Variants in MKNK1 observed in about 807,000 individuals in gnomAD.
MKNK1 encodes MAP kinase-interacting serine/threonine-protein kinase 1.
MKNK1 carries 30 observed loss-of-function variants against 49.3 expected under a neutral mutation model. The ratio of observed to expected loss-of-function variants is 0.61; its 90% CI spans 0.46 to 0.83. The LOEUF is 0.83. Among genes scored for constraint, MKNK1 ranks in the 40% least tolerant of loss-of-function variants. The pLI, the probability that MKNK1 is intolerant of heterozygous loss-of-function variation, is 0.00. For synonymous variants in MKNK1, 176 were observed against 201.7 expected (o/e 0.87, Z 1.08); for missense variants, 423 against 524.7 (o/e 0.81, Z 1.89).
chr1:46,563,089 C>T (rs749224292), intron 9 of MKNK1: 2 of 447,570 alleles, frequency 4.5e-6, no homozygotes, highest in Non-Finnish European at 7.8e-6. Flanking sequence ...GTTCCTCCTC[C>T]AGTAGGCAAA....
At chr1:46,585,206 C>T (rs985314892) in intron 2 of MKNK1, among the ~76,000 whole-genome samples, 24 of 111,964 alleles carry the variant, frequency 2.1e-4, no homozygotes, top group African/African-American at 8.5e-4. Flanking sequence ...GCCGAGATCA[C>T]GCCATTGCAC....
rs1667315483 is a variant in MKNK1, at chr1:46,558,219, C to T, written c.*356G>A. ...GTCAACTGATGCTTCTTGCTTCTCC[C>T]TGCAGGCTGCAGCCCCAGCCGCCAC... On this transcript the variant is annotated 3_prime_UTR_variant, in exon 13 of 13. Coordinates refer to ENST00000371945, the MANE Select transcript of MKNK1 (RefSeq NM_001135553.4). The T allele has an allele frequency of 2.2e-5, 5 of 227,836 alleles. No homozygotes were observed. In the South Asian group the frequency reaches 6.2e-4, roughly 28 times the overall value. The allele number at this position is 227,836 out of a possible 1,614,324, so 14.1% of individuals were successfully genotyped here. A position where few individuals can be genotyped will look rare whatever the true frequency, so the allele number is the denominator to read the frequency against.
At chr1:46,572,990 G>A (rs897792267) in intron 6 of MKNK1, among the ~76,000 whole-genome samples, 3 of 152,138 alleles carry the variant, frequency 2.0e-5, no homozygotes, top group African/African-American at 7.2e-5. Context: ...TGTTGGCAAT[G>A]GCTAACATTT....
chr1:46,565,013 C>T (rs751115008), intron 9 of MKNK1, 28 bp downstream of exon 9: 1 of 1,599,982 alleles, frequency 6.3e-7, no homozygotes, highest in Non-Finnish European at 8.6e-7. Flanking sequence ...ACTCCAAATA[C>T]TTAGGAGCCC....
At chr1:46,580,743 T>C (rs1671609168) in intron 3 of MKNK1, 116 bp from the exon 4 acceptor site, 1 of 663,710 alleles carries the variant, frequency 1.5e-6, no homozygotes, top group Non-Finnish European at 2.7e-6. Flanking sequence ...ACCCAATGAC[T>C]CTAGCACTCA....
intron 7 of MKNK1, among the ~76,000 whole-genome samples, chr1:46,570,727 TTAA>T (rs1669973536): frequency 6.6e-6 from 1 of 152,206 alleles, no homozygotes; most frequent in Non-Finnish European, 1.5e-5. Context: ...TTTAAGGGAA[TTAA>T]TATTAGGAAT....
intron 3 of MKNK1, chr1:46,582,784 T>C (rs1408525068): frequency 2.3e-6 from 1 of 443,052 alleles, no homozygotes; most frequent in African/African-American, 2.0e-5. Context: ...CATAAGTAGC[T>C]ACAATCTGAG....
At chr1:46,603,622 T>A (rs555880393) in intron 1 of MKNK1, among the ~76,000 whole-genome samples, 3 of 152,274 alleles carry the variant, frequency 2.0e-5, no homozygotes, top group South Asian at 4.1e-4. Context: ...CAGGACTCCC[T>A]GACCCTGAAG....
intron 11 of MKNK1, 99 bp from the exon 12 acceptor site, chr1:46,560,376 G>A: frequency 2.3e-6 from 3 of 1,292,744 alleles, no homozygotes; most frequent in Non-Finnish European, 2.2e-6. Flanking sequence ...ATAGGCTGCT[G>A]GCGCAGCACA....
chr1:46,592,179 GC>G (rs1274656399), intron 2 of MKNK1, among the ~76,000 whole-genome samples: 1 of 152,228 alleles, frequency 6.6e-6, no homozygotes, highest in African/African-American at 2.4e-5. Context: ...GGCGGAGGTT[GC>G]AGTGAGCCGA....
chr1:46,587,639 G>A (rs750999555), intron 2 of MKNK1, among the ~76,000 whole-genome samples: 2 of 152,110 alleles, frequency 1.3e-5, no homozygotes, highest in Non-Finnish European at 2.9e-5. Context: ...CCAACATGGA[G>A]AAACCTCGTC....
intron 6 of MKNK1, 55 bp from the exon 7 acceptor site, chr1:46,572,222 G>A (rs996365343): frequency 6.1e-5 from 79 of 1,297,218 alleles, no homozygotes; most frequent in Non-Finnish European, 8.2e-5. Flanking sequence ...GTAAGTATAA[G>A]TTTTTTTTTT....
chr1:46,585,745 G>A (rs981486515), intron 2 of MKNK1: 27 of 540,100 alleles, frequency 5.0e-5, no homozygotes, highest in East Asian at 4.9e-4. Context: ...CCCTGTTAGC[G>A]ACAATTTATA....
chr1:46,601,073 T>C (rs11211320), intron 1 of MKNK1, among the ~76,000 whole-genome samples: 73,312 of 152,022 alleles, frequency 0.48, 18,689 homozygotes, highest in East Asian at 0.91. Flanking sequence ...CCCACCACCA[T>C]GCACAGCTAA....
rs1195823698 is a variant in MKNK1 at position 46,568,907 on chromosome 1, TTTC to T, written c.458-412_458-410del. 3 of 162,194 alleles carry T rather than the reference TTTC, an allele frequency of 1.8e-5. No homozygotes were observed. In the East Asian group the frequency reaches 5.5e-4, roughly 30 times the overall value. 10.0% of individuals were successfully genotyped at this position (162,194 alleles called of 1,614,324 possible). ...CAGGGGGCTTAACTGCTCTACCTCA[TTTC>T]TTCTTGTGTGGCCGATTTAAAAAAA... On this transcript the variant is annotated intron_variant, in intron 7 of 12. Transcript: ENST00000371945.
In MKNK1 at chr1:46,558,555, T is replaced by C. The variant is rs528765900; in HGVS notation, c.*20A>G. 10 of 1,583,680 alleles carry C rather than the reference T, an allele frequency of 6.3e-6. No homozygotes were observed. The highest frequency in any genetic ancestry group is 2.7e-5 in the African/African-American group (2 of 74,196). ...AATGCCTGGCCAGGCCTAGGGCCTA[T>C]AAGGTGTGACTGGAGCATTTCAGAG... On this transcript the variant is annotated 3_prime_UTR_variant, in exon 13 of 13. Coordinates refer to ENST00000371945, the MANE Select transcript of MKNK1 (RefSeq NM_001135553.4).
chr1:46,583,283 C>T lies in MKNK1; in HGVS notation c.45G>A (p.Arg15=), dbSNP rs1257785468. The T allele has an allele frequency of 5.6e-6, 9 of 1,613,960 alleles. No individual in the cohort carries two copies. The highest frequency in any genetic ancestry group is 5.0e-5 in the Admixed American group (3 of 59,984). ...EPLPIADGDR[R]RKKKRRGRAT... ...CCCGGCCCCTCCGCTTCTTCTTCCT[C>T]CTCCTGTCACCATCTGCGATGGGAA... Residue 15 remains arginine (R), a synonymous_variant, in exon 3 of 13, where the codon AGG becomes AGA. Coordinates refer to ENST00000371945, the MANE Select transcript of MKNK1 (RefSeq NM_001135553.4).
intron 8 of MKNK1, among the ~76,000 whole-genome samples, chr1:46,568,027 T>A (rs1669385109): frequency 6.6e-6 from 1 of 151,068 alleles, no homozygotes; most frequent in African/African-American, 2.4e-5. Flanking sequence ...GGGGCTGAGG[T>A]GGGAGAACCA....
At chr1:46,593,657 G>C (rs1673641147) in intron 2 of MKNK1, 3 of 153,514 alleles carry the variant, frequency 2.0e-5, no homozygotes, top group African/African-American at 7.2e-5. Flanking sequence ...TCAGGAGTTT[G>C]AGGCCAGCCT....
Sources: allele counts gnomAD v4.1 joint callset (sites outside exome capture counted in the v4.1 genomes callset), GRCh38; gene constraint gnomAD v4.1.1; transcripts MANE v1.5; gene names NCBI Gene and HGNC (gene_info 2026-07-23, HGNC 2026-07-21).